The following SPIDR variants were observed in gnomAD, a reference collection of about 807,000 sequenced individuals.
SPIDR encodes the protein scaffold protein involved in DNA repair, also known as DNA repair-scaffolding protein.
Under a neutral mutation model 104.6 loss-of-function variants are expected in SPIDR, and 93 were observed. That is an observed-to-expected ratio of 0.89 (90% CI 0.75 to 1.06). The LOEUF is 1.06. Among genes scored for constraint, SPIDR ranks in the 50% least tolerant of loss-of-function variants. The pLI is 0.00. For synonymous variants in SPIDR, 431 were observed against 416.9 expected (o/e 1.03, Z -0.41); for missense variants, 1,154 against 1,111.2 (o/e 1.04, Z -0.55).
intron 5 of SPIDR, among the ~76,000 whole-genome samples, chr8:47,356,470 G>C (rs1203300712): frequency 6.6e-6 from 1 of 152,142 alleles, no homozygotes; most frequent in Non-Finnish European, 1.5e-5. Flanking sequence ...GCAACCATGG[G>C]AAGAATTAAG....
chr8:47,678,427 A>G (rs924673220), intron 11 of SPIDR, among the ~76,000 whole-genome samples: 2 of 152,338 alleles, frequency 1.3e-5, no homozygotes, highest in South Asian at 2.1e-4. Flanking sequence ...GAGAAGTGGT[A>G]CATAGGGAGC....
At chr8:47,649,162 G>C (rs1382933823) in intron 10 of SPIDR, among the ~76,000 whole-genome samples, 2 of 152,018 alleles carry the variant, frequency 1.3e-5, no homozygotes, top group Non-Finnish European at 2.9e-5. Context: ...AGGATCACTG[G>C]AGCCCAGGAG....
chr8:47,635,790 T>C (rs2067825304), intron 10 of SPIDR, among the ~76,000 whole-genome samples: 1 of 152,204 alleles, frequency 6.6e-6, no homozygotes, highest in Admixed American at 6.5e-5. Context: ...AAGGTGCTTC[T>C]GACCTCTGGG....
intron 8 of SPIDR, among the ~76,000 whole-genome samples, chr8:47,533,779 G>A (rs1031763694): frequency 1.2e-4 from 19 of 152,292 alleles, no homozygotes; most frequent in African/African-American, 4.1e-4. Context: ...AGTTGCTGGC[G>A]AGGCTGCAGA....
At chr8:47,552,236 A>T (rs1410346177) in intron 8 of SPIDR, among the ~76,000 whole-genome samples, 1 of 152,216 alleles carries the variant, frequency 6.6e-6, no homozygotes, top group African/African-American at 2.4e-5. Flanking sequence ...GCTGAGAAGA[A>T]TATATAATCT....
intron 5 of SPIDR, among the ~76,000 whole-genome samples, chr8:47,360,523 G>T (rs2055638919): frequency 6.6e-6 from 1 of 152,130 alleles, no homozygotes. Context: ...GGACCAGGCA[G>T]GTGGTGAAAA....
At chr8:47,354,549 C>T (rs1340555710) in intron 5 of SPIDR, among the ~76,000 whole-genome samples, 1 of 152,120 alleles carries the variant, frequency 6.6e-6, no homozygotes, top group African/African-American at 2.4e-5. Flanking sequence ...ACAAGACGTT[C>T]AGATGCTAAT....
At chr8:47,535,776 A>C (rs1194815947) in intron 8 of SPIDR, among the ~76,000 whole-genome samples, 1 of 152,046 alleles carries the variant, frequency 6.6e-6, no homozygotes, top group African/African-American at 2.4e-5. Flanking sequence ...AGCTGACATC[A>C]TACTTAATGG....
rs1193135575 is a variant in SPIDR at position 47,371,667 on chromosome 8, C to G, written c.526-24709C>G. ...TAGGAATCTTGGGGGGAGACACATT[C>G]AGTGTAATGGTTTACTTCTCTGTAA... On this transcript the variant is annotated intron_variant, in intron 5 of 19. Transcript: ENST00000297423. 2.0e-5 allele frequency among the ~76,000 whole-genome samples: 3 copies of G among 152,164 alleles called. No individual in the cohort carries two copies. The South Asian group carries it at 6.2e-4, about 32-fold the overall frequency.
At chr8:47,607,462 A>G (rs1451458916) in intron 10 of SPIDR, among the ~76,000 whole-genome samples, 5 of 152,024 alleles carry the variant, frequency 3.3e-5, no homozygotes, top group Non-Finnish European at 4.4e-5. Context: ...CTGGCTCAAT[A>G]TTAAAGCCTA....
At chr8:47,321,458 CAGA>C (rs2046566618) in intron 5 of SPIDR, among the ~76,000 whole-genome samples, 1 of 152,038 alleles carries the variant, frequency 6.6e-6, no homozygotes, top group Admixed American at 6.6e-5. Flanking sequence ...TACAAACAAA[CAGA>C]AGAACATTCC....
chr8:47,505,877 C>G (rs986235104), intron 8 of SPIDR, among the ~76,000 whole-genome samples: 1 of 152,206 alleles, frequency 6.6e-6, no homozygotes, highest in African/African-American at 2.4e-5. Flanking sequence ...TTTTCCGTCA[C>G]TTCTCAACCA....
At chr8:47,330,735 C>T (rs1554603936) in intron 5 of SPIDR, 1 of 455,836 alleles carries the variant, frequency 2.2e-6, no homozygotes, top group East Asian at 6.9e-5. Flanking sequence ...CTGGATATAA[C>T]ACTTTATCCA....
intron 8 of SPIDR, among the ~76,000 whole-genome samples, chr8:47,567,016 G>A (rs976336234): frequency 1.3e-5 from 2 of 152,138 alleles, no homozygotes; most frequent in African/African-American, 4.8e-5. Context: ...TAAGGAATAT[G>A]GAACAGATAA....
At position 47,350,175 on chromosome 8, in the gene SPIDR, A is replaced by T. The variant is rs180806537; in HGVS notation, c.526-46201A>T. 5.8e-4 allele frequency among the ~76,000 whole-genome samples: 89 copies of T among 152,368 alleles called. 1 individual carries two copies. The highest frequency in any genetic ancestry group is 2.5e-3 in the Admixed American group (38 of 15,310). On this transcript the variant is annotated intron_variant, in intron 5 of 19. Coordinates refer to ENST00000297423, the MANE Select transcript of SPIDR (RefSeq NM_001080394.4). The stretch of plus-strand genomic sequence containing the variant: ...TCCCCATTTTAATGAAATTTGTATG[A>T]ATGGAATTATGTAAATTATAACAAA...
intron 5 of SPIDR, among the ~76,000 whole-genome samples, chr8:47,383,652 G>A (rs782777925): frequency 7.2e-5 from 11 of 152,172 alleles, no homozygotes; most frequent in East Asian, 1.9e-4. Context: ...GATTTAGAGC[G>A]TTGTCGCCAC....
At chr8:47,312,375 G>A (rs1230923215) in intron 5 of SPIDR, among the ~76,000 whole-genome samples, 2 of 152,126 alleles carry the variant, frequency 1.3e-5, no homozygotes, top group Non-Finnish European at 2.9e-5. Context: ...ATCCTCTCCA[G>A]CACCTGTTGT....
At chr8:47,573,020 G>C (rs2058704365) in intron 8 of SPIDR, among the ~76,000 whole-genome samples, 1 of 152,084 alleles carries the variant, frequency 6.6e-6, no homozygotes, top group Admixed American at 6.5e-5. Context: ...ACAGCATTTT[G>C]GGTTTGTTAA....
At chr8:47,421,713 G>A (rs575637226) in intron 7 of SPIDR, among the ~76,000 whole-genome samples, 1 of 152,242 alleles carries the variant, frequency 6.6e-6, no homozygotes, top group South Asian at 2.1e-4. Context: ...TAGTTTTTCT[G>A]CTCTGTTTTT....
Sources: allele counts gnomAD v4.1 joint callset (sites outside exome capture counted in the v4.1 genomes callset), GRCh38; gene constraint gnomAD v4.1.1; transcripts MANE v1.5; gene names NCBI Gene and HGNC (gene_info 2026-07-23, HGNC 2026-07-21).